AUTS2: variants seen among roughly 807,000 people sequenced by gnomAD.
AUTS2 encodes activator of transcription and developmental regulator AUTS2.
Under a neutral mutation model 112.4 loss-of-function variants are expected in AUTS2, and 17 were observed. The ratio of observed to expected loss-of-function variants is 0.15; its 90% CI spans 0.10 to 0.23. The LOEUF (loss-of-function observed/expected upper bound fraction) is 0.23. Among genes scored for constraint, AUTS2 ranks in the 10% least tolerant of loss-of-function variants. The pLI is 1.00. For synonymous variants in AUTS2, 751 were observed against 702.7 expected, an observed-to-expected ratio of 1.07 and a Z score of -1.09; for missense variants, 1,510 against 1,701.6, an observed-to-expected ratio of 0.89 and a Z score of 1.98.
intron 2 of AUTS2, among the ~76,000 whole-genome samples, chr7:69,980,678 G>A (rs1798258998): frequency 6.6e-6 from 1 of 152,028 alleles, no homozygotes; most frequent in Admixed American, 6.6e-5. Context: ...GTCCTTTCAT[G>A]TAGAGCAGCG....
intron 1 of AUTS2, among the ~76,000 whole-genome samples, chr7:69,831,105 C>T (rs985790205): frequency 7.2e-5 from 11 of 152,110 alleles, no homozygotes; most frequent in African/African-American, 2.4e-4. Context: ...TACTTTAATT[C>T]CCACCTGATC....
intron 1 of AUTS2, among the ~76,000 whole-genome samples, chr7:69,779,790 A>AT (rs1562878025): frequency 1.3e-5 from 2 of 151,564 alleles, no homozygotes; most frequent in South Asian, 2.1e-4. Flanking sequence ...ATTAAAAAAA[A>AT]ATATATATAT....
At chr7:70,000,303 A>G (rs1053578035) in intron 2 of AUTS2, among the ~76,000 whole-genome samples, 2 of 152,196 alleles carry the variant, frequency 1.3e-5, no homozygotes, top group African/African-American at 4.8e-5. Flanking sequence ...GTTGGATCAA[A>G]AAGAGCTTTG....
At position 70,197,065 on chromosome 7, in the gene AUTS2, T is replaced by G. The variant is rs113194180; in HGVS notation, c.660+62494T>G. Among the ~76,000 whole-genome samples, 241 of 152,310 alleles carry G rather than the reference T, an allele frequency of 1.6e-3. 6 individuals carry two copies. The highest frequency in any genetic ancestry group is 5.5e-3 in the African/African-American group (227 of 41,574). Reference sequence around the variant, plus strand: ...TTCAGGCACTTTGTGTTTGTGTGTATACATATACATTCTCTTATATACATT... The same window carrying G: ...TTCAGGCACTTTGTGTTTGTGTGTAGACATATACATTCTCTTATATACATT... On this transcript the variant is annotated intron_variant, in intron 4 of 18. Coordinates refer to ENST00000342771, the MANE Select transcript of AUTS2 (RefSeq NM_015570.4).
chr7:70,400,404 C>CA (rs1440789129), intron 4 of AUTS2, among the ~76,000 whole-genome samples: 1 of 152,094 alleles, frequency 6.6e-6, no homozygotes, highest in African/African-American at 2.4e-5. Context: ...TCCTCCTGCC[C>CA]AAAAAGTTCC....
intron 1 of AUTS2, among the ~76,000 whole-genome samples, chr7:69,813,230 C>T (rs1044963063): frequency 1.3e-5 from 2 of 152,152 alleles, no homozygotes; most frequent in Admixed American, 1.3e-4. Flanking sequence ...AACATTTGGT[C>T]CCAGATATAA....
intron 1 of AUTS2, among the ~76,000 whole-genome samples, chr7:69,667,780 A>C (rs1796135218): frequency 6.6e-6 from 1 of 152,148 alleles, no homozygotes; most frequent in African/African-American, 2.4e-5. Flanking sequence ...GCCCATTCCC[A>C]ATCCAGTAGC....
chr7:70,058,884 C>T (rs1339155331), intron 2 of AUTS2, among the ~76,000 whole-genome samples: 1 of 152,060 alleles, frequency 6.6e-6, no homozygotes, highest in Admixed American at 6.6e-5. Flanking sequence ...TTAGGTTTAA[C>T]AGCAAAACTG....
chr7:69,839,886 G>A (rs1377303312), intron 1 of AUTS2, among the ~76,000 whole-genome samples: 1 of 152,084 alleles, frequency 6.6e-6, no homozygotes, highest in Non-Finnish European at 1.5e-5. Context: ...GTGGAGGAGA[G>A]GGGGGATGGG....
chr7:69,700,801 T>G (rs1797771562), intron 1 of AUTS2, among the ~76,000 whole-genome samples: 1 of 152,150 alleles, frequency 6.6e-6, no homozygotes, highest in Non-Finnish European at 1.5e-5. Context: ...CATTAAATAT[T>G]TGGTGGTTTT....
intron 2 of AUTS2, among the ~76,000 whole-genome samples, chr7:70,048,530 T>C (rs554699985): frequency 1.3e-5 from 2 of 152,344 alleles, no homozygotes; most frequent in South Asian, 4.1e-4. Context: ...ACTTTAGTCA[T>C]TTTTACATCC....
intron 1 of AUTS2, among the ~76,000 whole-genome samples, chr7:69,670,881 G>A (rs776587664): frequency 6.6e-6 from 1 of 151,990 alleles, no homozygotes; most frequent in Non-Finnish European, 1.5e-5. Flanking sequence ...AAAAAGCATC[G>A]TTTTAGGGTT....
intron 1 of AUTS2, among the ~76,000 whole-genome samples, chr7:69,782,781 T>C (rs535396967): frequency 6.6e-6 from 1 of 152,276 alleles, no homozygotes; most frequent in Admixed American, 6.5e-5. Flanking sequence ...AGCAGTTAAT[T>C]AGGGTCAGAT....
In AUTS2 at chr7:70,728,838, CTGAG is replaced by C. The variant is rs539062369; in HGVS notation, c.742+30220_742+30223del. On this transcript the variant is annotated intron_variant, in intron 6 of 18. Coordinates refer to ENST00000342771, the MANE Select transcript of AUTS2 (RefSeq NM_015570.4). ...CATCTTGTATTTTTGTGTGTGTGGC[CTGAG>C]TAAGAGTGCCAAGGCAGCCTGCATT... Among the ~76,000 whole-genome samples, 9 of 152,098 alleles carry C rather than the reference CTGAG, an allele frequency of 5.9e-5. No homozygotes were observed. In the South Asian group the frequency reaches 1.5e-3, roughly 25 times the overall value.
At chr7:70,171,927 C>T (rs574825195) in intron 4 of AUTS2, among the ~76,000 whole-genome samples, 1 of 151,492 alleles carries the variant, frequency 6.6e-6, no homozygotes, top group Non-Finnish European at 1.5e-5. Context: ...GTTTTTCCCT[C>T]CTTCTTTTCT....
intron 5 of AUTS2, among the ~76,000 whole-genome samples, chr7:70,453,304 C>A (rs1368209979): frequency 2.6e-5 from 4 of 152,214 alleles, no homozygotes; most frequent in Non-Finnish European, 5.9e-5. Context: ...CGTCTGTGAT[C>A]CAGAAAACAC....
chr7:70,689,311 G>T (rs1365607730), intron 5 of AUTS2, among the ~76,000 whole-genome samples: 1 of 152,082 alleles, frequency 6.6e-6, no homozygotes, highest in Non-Finnish European at 1.5e-5. Flanking sequence ...AGCCCAGCAG[G>T]TCGAGGCTGT....
intron 1 of AUTS2, among the ~76,000 whole-genome samples, chr7:69,685,245 A>T (rs1024761143): frequency 6.6e-6 from 1 of 152,140 alleles, no homozygotes; most frequent in Non-Finnish European, 1.5e-5. Context: ...CTCTGCTCAG[A>T]TCATTTTGGG....
At chr7:70,288,201 A>G (rs1788552313) in intron 4 of AUTS2, among the ~76,000 whole-genome samples, 2 of 152,114 alleles carry the variant, frequency 1.3e-5, no homozygotes, top group African/African-American at 4.8e-5. Flanking sequence ...TCACGAGGTC[A>G]GGATATTGAG....
Sources: gnomAD v4.1 joint callset for allele counts (sites outside exome capture counted in the v4.1 genomes callset) on GRCh38, gnomAD v4.1.1 for gene constraint, MANE v1.5 for transcripts, NCBI Gene and HGNC (gene_info 2026-07-23, HGNC 2026-07-21) for gene names.